Variants in ATXN10 observed in about 807,000 individuals in gnomAD.
ATXN10 encodes ataxin-10.
ATXN10 carries 28 observed loss-of-function variants against 52.9 expected under a neutral mutation model. The ratio of observed to expected loss-of-function variants is 0.53; its 90% CI spans 0.39 to 0.73. The LOEUF (loss-of-function observed/expected upper bound fraction) is 0.73. ATXN10 is among the 30% of genes least tolerant of loss of function. The pLI, the probability that ATXN10 is intolerant of heterozygous loss-of-function variation, is 0.00. For missense variants in ATXN10, 565 were observed against 577.0 expected (o/e 0.98, Z 0.21); for synonymous variants, 226 against 221.5 (o/e 1.02, Z -0.18).
chr22:45,687,196 A>G (rs1923179630), intron 1 of ATXN10, among the ~76,000 whole-genome samples: 1 of 152,228 alleles, frequency 6.6e-6, no homozygotes, highest in Non-Finnish European at 1.5e-5. Context: ...ACCATGTAGC[A>G]TTGGGAATTA....
At chr22:45,793,443 G>C in intron 9 of ATXN10, 1 of 571,852 alleles carries the variant, frequency 1.7e-6, no homozygotes, top group Non-Finnish European at 2.5e-6. Context: ...AACAATGGTA[G>C]CAGAGTCCAC....
chr22:45,713,022 G>A (rs1924309079), intron 5 of ATXN10, among the ~76,000 whole-genome samples: 1 of 151,950 alleles, frequency 6.6e-6, no homozygotes, highest in Admixed American at 6.6e-5. Flanking sequence ...TTTTACTCAT[G>A]TTGTGAGTAT....
intron 6 of ATXN10, among the ~76,000 whole-genome samples, chr22:45,722,021 C>T (rs1924673124): frequency 1.3e-5 from 2 of 152,194 alleles, no homozygotes; most frequent in African/African-American, 4.8e-5. Flanking sequence ...ATGCTAATGA[C>T]AGCCAGTGAT....
rs1435173875 is a variant in ATXN10, at chr22:45,757,996, A to G, written c.1173+17458A>G. Among the ~76,000 whole-genome samples, 2 of 152,248 alleles carry G rather than the reference A, an allele frequency of 1.3e-5. No homozygotes were observed. The highest frequency in any genetic ancestry group is 1.9e-4 in the East Asian group (1 of 5,200). ...GCTTTTGTGATGACACACAAATTCA[A>G]ACTAAATTTGATGCTTCCAAAGTAT... On this transcript the variant is annotated intron_variant, in intron 9 of 11. Coordinates refer to ENST00000252934, the MANE Select transcript of ATXN10 (RefSeq NM_013236.4). The surrounding 1 kb of genome is among the most constrained non-coding windows in gnomAD (Gnocchi z 4.6).
intron 9 of ATXN10, among the ~76,000 whole-genome samples, chr22:45,751,763 A>AAAAAAAAAAATAATAATAAT: frequency 2.1e-4 from 14 of 66,602 alleles, no homozygotes; most frequent in South Asian, 3.8e-4. Flanking sequence ...AATAAAAAAA[A>AAAAAAAAAAATAATAATAAT]AATAATAATA....
chr22:45,794,176 T>C lies in ATXN10; in HGVS notation c.1174-12783T>C, dbSNP rs185967824. 4.9e-3 allele frequency among the ~76,000 whole-genome samples: 751 copies of C among 152,304 alleles called. 4 individuals carry two copies. The highest frequency in any genetic ancestry group is 6.8e-3 in the Middle Eastern group (2 of 294). Reference sequence around the variant, plus strand: ...TCTTATAGAAAATGGCTTCCACCCCTGACCTACCTGTTTTAGTTAGTCCTC... The same window carrying C: ...TCTTATAGAAAATGGCTTCCACCCCCGACCTACCTGTTTTAGTTAGTCCTC... On this transcript the variant is annotated intron_variant, in intron 9 of 11. Transcript: ENST00000252934.
At position 45,713,716 on chromosome 22, in the gene ATXN10, C is replaced by T. The variant is rs149634372; in HGVS notation, c.648-4697C>T. On this transcript the variant is annotated intron_variant, in intron 5 of 11. Coordinates refer to ENST00000252934, the MANE Select transcript of ATXN10 (RefSeq NM_013236.4). The stretch of plus-strand genomic sequence containing the variant: ...TCAAAATGCATAGTTTACCCCCAGC[C>T]GTTTACCTAGTTCTTCCAACCACAA... Among the ~76,000 whole-genome samples, 506 of 152,300 alleles carry T rather than the reference C, an allele frequency of 3.3e-3. 15 individuals carry two copies. The highest frequency in any genetic ancestry group is 0.031 in the Admixed American group (468 of 15,278).
rs1928892812 is a variant in ATXN10 at position 45,828,619 on chromosome 22, T to C, written c.1238-14372T>C. On this transcript the variant is annotated intron_variant, in intron 10 of 11. Transcript: ENST00000252934. The surrounding 1 kb of genome is among the most constrained non-coding windows in gnomAD (Gnocchi z 4.5). ...GGTTGCAAGAGAGCACTGTGAACAA[T>C]TGTACACCATCAGTTTGGATAATGT... is the stretch of plus-strand genomic sequence containing the variant. Among the ~76,000 whole-genome samples the C allele has an allele frequency of 6.6e-6, 1 of 152,206 alleles. No homozygotes were observed. The highest frequency in any genetic ancestry group is 1.5e-5 in the Non-Finnish European group (1 of 68,048).
Position 45,762,965 on chromosome 22 carries a change from C to T in ATXN10, c.1173+22427C>T, listed in dbSNP as rs572627300. Reference sequence around the variant, plus strand: ...AGAGTCTCAGGCTCTACCCCAGCATCCGGAATCAGACCATCCTCAGGGGAT... The same window carrying T: ...AGAGTCTCAGGCTCTACCCCAGCATTCGGAATCAGACCATCCTCAGGGGAT... On this transcript the variant is annotated intron_variant, in intron 9 of 11. Coordinates refer to ENST00000252934, the MANE Select transcript of ATXN10 (RefSeq NM_013236.4). The surrounding 1 kb of genome is among the most constrained non-coding windows in gnomAD (Gnocchi z 4.3). 3.8e-4 allele frequency among the ~76,000 whole-genome samples: 58 copies of T among 152,354 alleles called. No homozygotes were observed. The highest frequency in any genetic ancestry group is 7.9e-4 in the Non-Finnish European group (54 of 68,030).
In ATXN10 at chr22:45,837,887, A is replaced by G. The variant is rs1415086997; in HGVS notation, c.1238-5104A>G. On this transcript the variant is annotated intron_variant, in intron 10 of 11. Transcript: ENST00000252934. The surrounding 1 kb of genome is among the most constrained non-coding windows in gnomAD (Gnocchi z 5.8). ...AAACTGTTTTTAGTTTGCTGTCATA[A>G]AAAGCACAGGCCATCATTTGCTGAC... is the stretch of plus-strand genomic sequence containing the variant. Among the ~76,000 whole-genome samples the G allele has an allele frequency of 6.6e-6, 1 of 152,258 alleles. No homozygotes were observed. The highest frequency in any genetic ancestry group is 2.4e-5 in the African/African-American group (1 of 41,470).
rs1928541585 is a variant in ATXN10, at chr22:45,818,577, C to T, written c.1237+11555C>T. Reference sequence around the variant, plus strand: ...GTCCTTTTTGGTTTGAAGGTGACCACCCTCGCTTTCAGCGGACCGGGGCAG... The same window carrying T: ...GTCCTTTTTGGTTTGAAGGTGACCATCCTCGCTTTCAGCGGACCGGGGCAG... On this transcript the variant is annotated intron_variant, in intron 10 of 11. Transcript: ENST00000252934. The surrounding 1 kb of genome is among the most constrained non-coding windows in gnomAD (Gnocchi z 4.6). Among the ~76,000 whole-genome samples, 1 of 152,152 alleles carries T rather than the reference C, an allele frequency of 6.6e-6. No individual in the cohort carries two copies. Among genetic ancestry groups the T allele is most frequent in the Non-Finnish European group, 1.5e-5 (1 of 68,030 alleles).
At chr22:45,737,016 G>C (rs1224349457) in intron 7 of ATXN10, among the ~76,000 whole-genome samples, 1 of 152,196 alleles carries the variant, frequency 6.6e-6, no homozygotes, top group African/African-American at 2.4e-5. Flanking sequence ...GTGCTCGATT[G>C]TTTTCCCTCT....
intron 2 of ATXN10, 68 bp downstream of exon 2, chr22:45,689,971 A>T: frequency 6.4e-7 from 1 of 1,553,650 alleles, no homozygotes; most frequent in Non-Finnish European, 8.8e-7. Context: ...CATTTGGTTT[A>T]TCTGTTAGAA....
rs949325663 is a variant in ATXN10 at position 45,690,462 on chromosome 22, CAT to C, written c.308+560_308+561del. 1.5e-4 allele frequency among the ~76,000 whole-genome samples: 23 copies of C among 152,200 alleles called. No individual in the cohort carries two copies. The highest frequency in any genetic ancestry group is 2.9e-4 in the African/African-American group (12 of 41,514). ...TTAGATTTCTTGTTTGTTTTTATCA[CAT>C]GTTTTGAGGTATTTGGTTCTTCATA... On this transcript the variant is annotated intron_variant, in intron 2 of 11. Coordinates refer to ENST00000252934, the MANE Select transcript of ATXN10 (RefSeq NM_013236.4). The surrounding 1 kb of genome is among the most constrained non-coding windows in gnomAD (Gnocchi z 4.5).
chr22:45,820,058 G>A lies in ATXN10; in HGVS notation c.1237+13036G>A, dbSNP rs1418156415. Among the ~76,000 whole-genome samples the A allele has an allele frequency of 6.6e-6, 1 of 152,144 alleles. No homozygotes were observed. The highest frequency in any genetic ancestry group is 1.5e-5 in the Non-Finnish European group (1 of 68,020). On this transcript the variant is annotated intron_variant, in intron 10 of 11. Transcript: ENST00000252934. This position sits in a 1 kb window ranked among gnomAD's most constrained non-coding sequence, Gnocchi z 4.9. ...ACTGTTGGACTGTAACTCCTGGGCT[G>A]TTTTATTTTGAGATGATCATTTCTA...
At position 45,705,656 on chromosome 22, in the gene ATXN10, G is replaced by A. The variant is rs1029747706; in HGVS notation, c.647+2809G>A. Among the ~76,000 whole-genome samples, 4 of 152,022 alleles carry A rather than the reference G, an allele frequency of 2.6e-5. No individual in the cohort carries two copies. The highest frequency in any genetic ancestry group is 9.7e-5 in the African/African-American group (4 of 41,390). ...TCACCATCTTGGCCAGGTTGGTATT[G>A]AACTCCTAATCTCATGAGCCACCTG... On this transcript the variant is annotated intron_variant, in intron 5 of 11. Coordinates refer to ENST00000252934, the MANE Select transcript of ATXN10 (RefSeq NM_013236.4). The surrounding 1 kb of genome is among the most constrained non-coding windows in gnomAD (Gnocchi z 5.2).
rs766403662 is a variant in ATXN10, at chr22:45,700,287, C to T, written c.397C>T (p.Arg133Cys). The T allele has an allele frequency of 1.1e-5, 17 of 1,609,370 alleles. No homozygotes were observed. The highest frequency in any genetic ancestry group is 5.0e-5 in the Admixed American group (3 of 59,976). The change falls in exon 4 of 12, where the codon CGC becomes TGC. Residue 133 changes from arginine (R) to cysteine (C), a missense_variant. By Grantham distance (180) the Arg-to-Cys change is radical. Transcript: ENST00000252934. ...VEQESLLTAF[R>C]CGLQFLGNIA... ...TAACTTTTATATATTCTTAGCTTTTCGCTGTGGCCTGCAGTTTTTAGGCAA... is the reference window on the plus strand; with the variant it reads ...TAACTTTTATATATTCTTAGCTTTTTGCTGTGGCCTGCAGTTTTTAGGCAA...
intron 7 of ATXN10, among the ~76,000 whole-genome samples, chr22:45,734,100 A>G (rs910578679): frequency 6.6e-6 from 1 of 152,112 alleles, no homozygotes. Flanking sequence ...AACCTTTACA[A>G]ATAATGTTAT....
chr22:45,749,946 T>C (rs1031995723), intron 9 of ATXN10, among the ~76,000 whole-genome samples: 2 of 152,154 alleles, frequency 1.3e-5, no homozygotes, highest in African/African-American at 2.4e-5. Context: ...ATTTACCCCA[T>C]ACTGTAGACA....
Sources: gnomAD v4.1 joint callset for allele counts (sites outside exome capture counted in the v4.1 genomes callset) on GRCh38, gnomAD v4.1.1 for gene constraint, Gnocchi (gnomAD v3.1) non-coding constraint, MANE v1.5 for transcripts, NCBI Gene and HGNC (gene_info 2026-07-23, HGNC 2026-07-21) for gene names.